PERM1: variants seen among roughly 807,000 people sequenced by gnomAD.
PERM1 encodes PGC-1 and ERR-induced regulator in muscle protein 1.
PERM1 carries 45 observed loss-of-function variants against 44.1 expected under a neutral mutation model. That is an observed-to-expected ratio of 1.02 (90% CI 0.80 to 1.31). The LOEUF (loss-of-function observed/expected upper bound fraction) is 1.31, where lower values mean the gene tolerates loss of function less well. Among genes scored for constraint, PERM1 ranks in the 50% most tolerant of loss-of-function variants. PERM1 has a pLI of 0.00. For missense variants in PERM1, 1,189 were observed against 1,106.9 expected (o/e 1.07, Z -1.05); for synonymous variants, 565 against 477.1 (o/e 1.18, Z -2.40).
intron 1 of PERM1, among the ~76,000 whole-genome samples, chr1:978,535 A>G (rs1643689358): frequency 6.6e-6 from 1 of 152,242 alleles, no homozygotes; most frequent in Non-Finnish European, 1.5e-5. Flanking sequence ...AGCATCTCCC[A>G]GAGGACATCA....
upstream of PERM1, chr1:981,139 G>A: frequency 6.5e-7 from 1 of 1,548,872 alleles, no homozygotes; most frequent in Non-Finnish European, 8.7e-7. Context: ...CACGAGACCT[G>A]GGAGCTCCCA....
At chr1:976,311 G>A in intron 2 of PERM1, 42 bp from the exon 4 acceptor site, 1 of 1,468,850 alleles carries the variant, frequency 6.8e-7, no homozygotes, top group Non-Finnish European at 9.0e-7. Context: ...CAGCCTGGCT[G>A]TCGGCACCGT....
rs1437102994 is a variant in PERM1 at position 980,004 on chromosome 1, G to A, written c.1026C>T (p.Asp342=). The change falls in exon 1 of 3, where the codon GAC becomes GAT. Residue 342 remains aspartate, a synonymous_variant. Coordinates refer to ENST00000433179, the Ensembl canonical transcript of PERM1. Reference sequence around the variant, plus strand: ...CAGAGGCAGGTGTAGACACAGCCATGTCCGTGTCAGGTTGCGGCTCAGAGG... The same window carrying A: ...CAGAGGCAGGTGTAGACACAGCCATATCCGTGTCAGGTTGCGGCTCAGAGG... 1.9e-6 allele frequency: 3 copies of A among 1,549,024 alleles called. No homozygotes were observed. In the Admixed American group the frequency reaches 5.9e-5, roughly 30 times the overall value.
chr1:979,094 G>C, exon 1 of PERM1: 2 of 1,549,416 alleles, frequency 1.3e-6, no homozygotes, highest in Non-Finnish European at 8.7e-7. Context: ...CCAGGTATGG[G>C]GGCCGGCACA....
At chr1:976,069 G>T in exon 3 of PERM1, 1 of 1,168,638 alleles carries the variant, frequency 8.6e-7, no homozygotes, top group Non-Finnish European at 1.2e-6. Context: ...GGACGCGGTA[G>T]AAGAGAGGGG....
chr1:978,169 G>T (rs1427767937), intron 1 of PERM1, among the ~76,000 whole-genome samples: 1 of 95,498 alleles, frequency 1.0e-5, no homozygotes, highest in Non-Finnish European at 2.1e-5. Context: ...CCCAGGAACC[G>T]CCTGCCCCAC....
chr1:981,236 G>A (rs1009054598), upstream of PERM1: 45 of 1,492,696 alleles, frequency 3.0e-5, no homozygotes, highest in South Asian at 1.3e-4. Flanking sequence ...TAGTGGTGAC[G>A]ATTTCCAAGT....
chr1:978,683 TGAACAACCCG>T (rs1332595174), intron 1 of PERM1, among the ~76,000 whole-genome samples, 188 bp downstream of exon 2: 1 of 152,204 alleles, frequency 6.6e-6, no homozygotes, highest in Non-Finnish European at 1.5e-5. Flanking sequence ...GCCAACCCCC[TGAACAACCCG>T]GGTGCTTGGA....
At chr1:980,601 C>T (rs1643770205) in exon 1 of PERM1, 8 of 1,449,632 alleles carry the variant, frequency 5.5e-6, no homozygotes, top group African/African-American at 1.4e-5. Flanking sequence ...GGGCAGGGCC[C>T]TGCAGAAGCC....
chr1:979,278 G>A lies in PERM1; in HGVS notation c.1752C>T (p.Tyr584=), dbSNP rs765716289. 21 of 1,549,376 alleles carry A rather than the reference G, an allele frequency of 1.4e-5. No homozygotes were observed. In the East Asian group the frequency reaches 1.5e-4, roughly 11 times the overall value. Residue 584 remains tyrosine, a synonymous_variant, in exon 1 of 3, where the codon TAC becomes TAT. Coordinates refer to ENST00000433179, the Ensembl canonical transcript of PERM1. The stretch of plus-strand genomic sequence containing the variant: ...CGATGGTGTCACAGAAGAAGAACTC[G>A]TAGGCCTCCGGGAGGGTCACGGCAA...
rs1307630743 is a variant in PERM1 at position 979,878 on chromosome 1, C to T, written c.1152G>A (p.Val384=). ...GCTTGGAGATGGGTGTAGACAGAGC[C>T]ACACTGGACTGAGGCTCAGAAGCTG... The change falls in exon 1 of 3, where the codon GTG becomes GTA. Residue 384 remains valine (V), a synonymous_variant. Coordinates refer to ENST00000433179, the Ensembl canonical transcript of PERM1. 8 of 1,549,342 alleles carry T rather than the reference C, an allele frequency of 5.2e-6. No individual in the cohort carries two copies. The South Asian group carries it at 9.5e-5, about 18-fold the overall frequency.
upstream of PERM1, chr1:981,951 T>C: frequency 1.1e-6 from 1 of 884,874 alleles, no homozygotes; most frequent in Non-Finnish European, 1.6e-6. Flanking sequence ...CAGGGCATGG[T>C]GGCTTCCCAC....
exon 1 of PERM1, chr1:980,954 C>G: frequency 3.4e-6 from 5 of 1,460,480 alleles, no homozygotes; most frequent in Non-Finnish European, 4.5e-6. Flanking sequence ...TGCAGGAGGC[C>G]ACACTCATCG....
In PERM1 at chr1:980,796, G is replaced by A. The variant is rs574534178; in HGVS notation, c.234C>T (p.Asp78=). The change falls in exon 1 of 3, where the codon GAC becomes GAT. Residue 78 remains aspartate (D), a synonymous_variant. Coordinates refer to ENST00000433179, the Ensembl canonical transcript of PERM1. ...TGCTGACCGGCTGCTGTGTGGCCAC[G>A]TCCTCCTCCTCGCAGCCCCGCCGGC... 116 of 1,399,690 alleles carry A rather than the reference G, an allele frequency of 8.3e-5. 1 individual carries two copies. The East Asian group carries it at 3.0e-3, about 37-fold the overall frequency. The allele number at this position is 1,399,690 out of a possible 1,614,324, so 86.7% of individuals were successfully genotyped here.
At chr1:981,186 G>T, upstream of PERM1, 1 of 1,543,704 alleles carries the variant, frequency 6.5e-7, no homozygotes, top group Non-Finnish European at 8.7e-7. Flanking sequence ...GAAAGGAAGA[G>T]AACAGCATCT....
In PERM1 at chr1:979,499, G is replaced by A. The variant is rs761920842; in HGVS notation, c.1531C>T (p.Pro511Ser). ...CCTGAGCCTGGCTTATTGGGGCTGG[G>A]CCCAGCCACGGAGAAGCGCACTTTC... is the stretch of plus-strand genomic sequence containing the variant. Residue 511 changes from proline to serine, a missense_variant, in exon 1 of 3, where the codon CCC becomes TCC. Pro to Ser is a moderately conservative substitution (Grantham distance 74). Coordinates refer to ENST00000433179, the Ensembl canonical transcript of PERM1. 5.8e-6 allele frequency: 9 copies of A among 1,549,866 alleles called. No individual in the cohort carries two copies. In the East Asian group the frequency reaches 1.7e-4, roughly 29 times the overall value.
exon 1 of PERM1, chr1:978,950 C>A (rs1184701045): frequency 6.6e-7 from 1 of 1,509,038 alleles, no homozygotes; most frequent in Non-Finnish European, 8.9e-7. Context: ...GGCCCCGCCC[C>A]CTCGGAGGCC....
exon 1 of PERM1, chr1:979,050 A>G: frequency 2.6e-6 from 4 of 1,545,458 alleles, no homozygotes; most frequent in Non-Finnish European, 3.5e-6. Flanking sequence ...AGAAGTGTTC[A>G]TAGACCTCAG....
chr1:980,393 T>C (rs1643763180), exon 1 of PERM1: 1 of 1,550,004 alleles, frequency 6.5e-7, no homozygotes, highest in Non-Finnish European at 8.7e-7. Context: ...GTCTCAGGAC[T>C]GGCCGCAGGG....
Sources: allele counts gnomAD v4.1 joint callset (sites outside exome capture counted in the v4.1 genomes callset), GRCh38; gene constraint gnomAD v4.1.1; transcripts MANE v1.5; gene names NCBI Gene and HGNC (gene_info 2026-07-23, HGNC 2026-07-21).